Variants in PAPPA2 observed in about 807,000 individuals in gnomAD.
PAPPA2 encodes the protein pappalysin-2.
PAPPA2 carries 86 observed loss-of-function variants against 176.4 expected under a neutral mutation model. The observed-to-expected ratio is 0.49, with a 90% CI of 0.41 to 0.58. The LOEUF (loss-of-function observed/expected upper bound fraction) is 0.58, where lower values mean the gene tolerates loss of function less well. PAPPA2 is among the 20% of genes least tolerant of loss of function. The probability of loss-of-function intolerance (pLI) is 0.00; values close to 1 mark genes in which losing one functional copy is unlikely to be tolerated. For missense variants in PAPPA2, 2,073 were observed against 2,256.9 expected (o/e 0.92, Z 1.65); for synonymous variants, 809 against 852.2 (o/e 0.95, Z 0.88).
chr1:176,777,579 A>T (rs905434169), intron 17 of PAPPA2, among the ~76,000 whole-genome samples: 1 of 152,132 alleles, frequency 6.6e-6, no homozygotes, highest in African/African-American at 2.4e-5. Flanking sequence ...TTTACTGGTT[A>T]ATTATACAGG....
At position 176,610,359 on chromosome 1, in the gene PAPPA2, G is replaced by T. The variant is rs546206104; in HGVS notation, c.1991+14764G>T. Among the ~76,000 whole-genome samples, 4 of 151,782 alleles carry T rather than the reference G, an allele frequency of 2.6e-5. No homozygotes were observed. The South Asian group carries it at 6.3e-4, about 24-fold the overall frequency. On this transcript the variant is annotated intron_variant, in intron 3 of 22. Transcript: ENST00000367662. ...AAGTTGTGTGTGGGGGGGGGGAGTA[G>T]GATTTATAGGAATGAACTTAGAGTT...
intron 2 of PAPPA2, among the ~76,000 whole-genome samples, chr1:176,583,796 T>TATA (rs1464718892): frequency 6.6e-6 from 1 of 152,158 alleles, no homozygotes; most frequent in Non-Finnish European, 1.5e-5. Flanking sequence ...GGCTCACACC[T>TATA]ATAATCCTAG....
intron 1 of PAPPA2, among the ~76,000 whole-genome samples, chr1:176,476,638 T>C (rs1652141119): frequency 6.6e-6 from 1 of 152,190 alleles, no homozygotes; most frequent in Non-Finnish European, 1.5e-5. Context: ...AGCTAGCACT[T>C]TGGACCTTCA....
At position 176,699,311 on chromosome 1, in the gene PAPPA2, C is replaced by G; in HGVS notation, c.2958C>G (p.Ile986Met). 6.2e-7 allele frequency: 1 copy of G among 1,614,212 alleles called. No individual in the cohort carries two copies. Among genetic ancestry groups the G allele is most frequent in the Non-Finnish European group, 8.5e-7 (1 of 1,180,032 alleles). ...CGCAGGTCCTCTTTGACACAGAGATCTTGCTGGAAAACAAGGAGTCAGTGC... is the reference window on the plus strand; with the variant it reads ...CGCAGGTCCTCTTTGACACAGAGATGTTGCTGGAAAACAAGGAGTCAGTGC... Reference protein sequence around the residue: ...ESSQVLFDTEILLENKESVHL... With the variant: ...ESSQVLFDTEMLLENKESVHL... Residue 986 changes from isoleucine to methionine, a missense_variant, in exon 8 of 23, where the codon ATC becomes ATG. Ile to Met is a conservative substitution (Grantham distance 10). This residue lies in a region of PAPPA2 where 1,196 missense variants were observed against 1,330.4 expected (regional missense o/e 0.90). Coordinates refer to ENST00000367662, the MANE Select transcript of PAPPA2 (RefSeq NM_020318.3).
intron 1 of PAPPA2, among the ~76,000 whole-genome samples, chr1:176,540,877 T>TA (rs1650327348): frequency 2.6e-5 from 4 of 152,052 alleles, no homozygotes; most frequent in Non-Finnish European, 5.9e-5. Context: ...GGCTTCTGAG[T>TA]TCTTACTGGC....
chr1:176,653,508 A>G (rs922817715), intron 3 of PAPPA2, among the ~76,000 whole-genome samples: 19 of 151,332 alleles, frequency 1.3e-4, no homozygotes, highest in African/African-American at 4.6e-4. Context: ...TGGGCTTTGC[A>G]TCTCATTTTC....
chr1:176,565,985 A>G (rs934828843), intron 2 of PAPPA2, among the ~76,000 whole-genome samples: 5 of 152,164 alleles, frequency 3.3e-5, no homozygotes, highest in African/African-American at 1.2e-4. Flanking sequence ...ATTACCTGCA[A>G]CCTGGCTGAA....
intron 17 of PAPPA2, among the ~76,000 whole-genome samples, chr1:176,788,023 G>A (rs761404843): frequency 6.6e-6 from 1 of 151,944 alleles, no homozygotes; most frequent in African/African-American, 2.4e-5. Context: ...TCGCGCCATT[G>A]CACTCCAGCC....
chr1:176,473,251 CT>C (rs1254607708), intron 1 of PAPPA2, among the ~76,000 whole-genome samples: 1 of 152,132 alleles, frequency 6.6e-6, no homozygotes, highest in African/African-American at 2.4e-5. Flanking sequence ...ATAGTTTTGC[CT>C]TTTCTAGAAT....
At chr1:176,721,431 A>G (rs576209441) in intron 12 of PAPPA2, among the ~76,000 whole-genome samples, 7 of 151,996 alleles carry the variant, frequency 4.6e-5, no homozygotes, top group Non-Finnish European at 1.0e-4. Flanking sequence ...GCTTGAGGAA[A>G]TTCACTTTTA....
chr1:176,676,568 T>A (rs1226268401), intron 4 of PAPPA2, among the ~76,000 whole-genome samples: 1 of 152,058 alleles, frequency 6.6e-6, no homozygotes, highest in Non-Finnish European at 1.5e-5. Flanking sequence ...TTCCAGGGTT[T>A]AAGAATGAGG....
intron 1 of PAPPA2, among the ~76,000 whole-genome samples, chr1:176,541,485 T>C (rs2102566830): frequency 6.6e-6 from 1 of 152,286 alleles, no homozygotes; most frequent in East Asian, 1.9e-4. Flanking sequence ...CTTGCTAAGA[T>C]CAAAATAATT....
At chr1:176,624,310 T>C (rs1655886510) in intron 3 of PAPPA2, among the ~76,000 whole-genome samples, 3 of 152,164 alleles carry the variant, frequency 2.0e-5, no homozygotes, top group Admixed American at 1.3e-4. Context: ...CCTGAGGAAA[T>C]AGTGTGGATG....
chr1:176,770,848 AAGAATAATATG>A (rs773197496), intron 16 of PAPPA2, 108 bp from the exon 17 acceptor site: 13 of 902,974 alleles, frequency 1.4e-5, no homozygotes, highest in Non-Finnish European at 2.2e-5. Flanking sequence ...CTACTCAAGA[AAGAATAATATG>A]ACTTTTGAAA....
chr1:176,485,217 C>G (rs1652592335), intron 1 of PAPPA2, among the ~76,000 whole-genome samples: 2 of 152,210 alleles, frequency 1.3e-5, no homozygotes, highest in Non-Finnish European at 2.9e-5. Flanking sequence ...CATCAGTCTT[C>G]TGCTTAAAGC....
intron 3 of PAPPA2, among the ~76,000 whole-genome samples, chr1:176,634,731 T>A (rs1336845848): frequency 6.6e-6 from 1 of 151,812 alleles, no homozygotes; most frequent in African/African-American, 2.4e-5. Flanking sequence ...AAAAGATAAA[T>A]TCTAGAGATA....
chr1:176,633,783 G>A (rs1158801564), intron 3 of PAPPA2, among the ~76,000 whole-genome samples: 2 of 152,120 alleles, frequency 1.3e-5, no homozygotes, highest in East Asian at 3.9e-4. Flanking sequence ...GTGGGCAAAG[G>A]ATATGAACAG....
At chr1:176,779,454 GAATGTT>G (rs770504467) in intron 17 of PAPPA2, among the ~76,000 whole-genome samples, 2 of 147,368 alleles carry the variant, frequency 1.4e-5, no homozygotes, top group Non-Finnish European at 3.0e-5. Flanking sequence ...AAAATGAGCA[GAATGTT>G]AACATTCCAT....
At chr1:176,611,833 G>A (rs186731642) in intron 3 of PAPPA2, among the ~76,000 whole-genome samples, 1 of 152,136 alleles carries the variant, frequency 6.6e-6, no homozygotes, top group Non-Finnish European at 1.5e-5. Context: ...GCCTTTCTTA[G>A]CTTTACTTTC....
Sources: gnomAD v4.1 joint callset for allele counts (sites outside exome capture counted in the v4.1 genomes callset) on GRCh38, gnomAD v4.1.1 for gene constraint, gnomAD v4.1.1 regional missense constraint, MANE v1.5 for transcripts, NCBI Gene and HGNC (gene_info 2026-07-23, HGNC 2026-07-21) for gene names.